Variants in ANKAR observed in about 807,000 individuals in gnomAD.
The protein encoded by ANKAR is ankyrin and armadillo repeat-containing protein.
Under a neutral mutation model 146.2 loss-of-function variants are expected in ANKAR, and 136 were observed. The observed-to-expected ratio is 0.93, with a 90% confidence interval of 0.81 to 1.07. The LOEUF is 1.07. ANKAR is among the 50% of genes least tolerant of loss of function. The pLI is 0.00. For missense variants in ANKAR, 1,567 were observed against 1,679.9 expected (o/e 0.93, Z 1.18); for synonymous variants, 500 against 575.8 (o/e 0.87, Z 1.88).
chr2:189,762,338 G>A (rs1310608304), downstream of ANKAR, among the ~76,000 whole-genome samples: 1 of 152,096 alleles, frequency 6.6e-6, no homozygotes, highest in African/African-American at 2.4e-5. Context: ...CAGATCATCC[G>A]TTCTAAAACT....
chr2:189,701,510 C>A (rs2038049220), intron 7 of ANKAR, among the ~76,000 whole-genome samples: 1 of 152,222 alleles, frequency 6.6e-6, no homozygotes, highest in African/African-American at 2.4e-5. Context: ...GCTGGAATTA[C>A]AGGAGTGAGC....
intron 18 of ANKAR, chr2:189,754,363 T>G: frequency 6.4e-7 from 1 of 1,572,426 alleles, no homozygotes; most frequent in Non-Finnish European, 8.6e-7. Context: ...AGAAACATAT[T>G]TTTTAGAGTC....
intron 17 of ANKAR, among the ~76,000 whole-genome samples, chr2:189,736,906 C>A (rs2042906542): frequency 6.6e-6 from 1 of 151,228 alleles, no homozygotes; most frequent in South Asian, 2.1e-4. Flanking sequence ...AACCCTGTCT[C>A]TACAAAAAAT....
chr2:189,706,391 C>G (rs2038954752), intron 8 of ANKAR, among the ~76,000 whole-genome samples: 1 of 151,412 alleles, frequency 6.6e-6, no homozygotes, highest in South Asian at 2.1e-4. Flanking sequence ...ATCTCAACAA[C>G]AACAACAACA....
chr2:189,701,058 G>GT, intron 7 of ANKAR, among the ~76,000 whole-genome samples: 1 of 152,110 alleles, frequency 6.6e-6, no homozygotes, highest in Non-Finnish European at 1.5e-5. Context: ...CCTCGGTGTA[G>GT]TTTTTTGTTT....
At chr2:189,700,560 CT>C (rs1019950009) in intron 7 of ANKAR, among the ~76,000 whole-genome samples, 4 of 152,166 alleles carry the variant, frequency 2.6e-5, no homozygotes, top group African/African-American at 7.2e-5. Context: ...CAGTTATACT[CT>C]TTTAGTTATG....
intron 21 of ANKAR, 117 bp downstream of exon 21, chr2:189,743,591 G>C: frequency 1.1e-6 from 1 of 936,026 alleles, no homozygotes. Flanking sequence ...CTCCTGTATA[G>C]CAGAGGATAA....
chr2:189,709,146 AAAAG>A (rs954309483), intron 9 of ANKAR, among the ~76,000 whole-genome samples: 1 of 152,082 alleles, frequency 6.6e-6, no homozygotes, highest in African/African-American at 2.4e-5. Flanking sequence ...TGTTTAAAAA[AAAAG>A]AGACACGACC....
intron 2 of ANKAR, among the ~76,000 whole-genome samples, chr2:189,688,437 C>T (rs1451984864): frequency 2.0e-5 from 3 of 152,038 alleles, no homozygotes; most frequent in Non-Finnish European, 4.4e-5. Flanking sequence ...ACTGGCTATT[C>T]TGGATCTTTC....
chr2:189,728,531 G>A, intron 14 of ANKAR, 111 bp downstream of exon 14: 1 of 1,463,510 alleles, frequency 6.8e-7, no homozygotes, highest in Non-Finnish European at 9.2e-7. Context: ...TCAAACCCCT[G>A]GGCTCAAGTG....
chr2:189,745,972 TTATC>T (rs1341215352), intron 22 of ANKAR, among the ~76,000 whole-genome samples: 1 of 152,208 alleles, frequency 6.6e-6, no homozygotes, highest in Non-Finnish European at 1.5e-5. Context: ...AACAACCTGT[TTATC>T]AGTCATGATC....
chr2:189,721,274 C>A (rs903205420), intron 12 of ANKAR, among the ~76,000 whole-genome samples: 1 of 152,086 alleles, frequency 6.6e-6, no homozygotes, highest in African/African-American at 2.4e-5. Flanking sequence ...GTATGAGCCA[C>A]CATGCCTGGC....
intron 10 of ANKAR, among the ~76,000 whole-genome samples, chr2:189,718,611 CTAAA>C (rs2040845196): frequency 6.6e-6 from 1 of 152,126 alleles, no homozygotes; most frequent in Non-Finnish European, 1.5e-5. Context: ...TTTCAGACAG[CTAAA>C]TAAATAAGGT....
At chr2:189,741,485 A>G in intron 20 of ANKAR, 34 bp downstream of exon 20, 2 of 1,492,800 alleles carry the variant, frequency 1.3e-6, no homozygotes, top group Non-Finnish European at 1.8e-6. Flanking sequence ...CTAAAATTAA[A>G]TATGCTAAAA....
At position 189,733,240 on chromosome 2, in the gene ANKAR, T is replaced by C. The variant is rs2042570357; in HGVS notation, c.3423+11T>C. The C allele has an allele frequency of 6.4e-7, 1 of 1,570,482 alleles. No individual in the cohort carries two copies. Among genetic ancestry groups the C allele is most frequent in the Non-Finnish European group, 8.6e-7 (1 of 1,161,692 alleles). On this transcript the variant is annotated intron_variant, in intron 17 of 22. Transcript: ENST00000684021. ...CACTCAACAGAAAAGGTAATACCTT[T>C]ACAAAATATTGAGGTTCATTTTGAA...
chr2:189,742,971 CACACACA>C (rs1559148022), intron 20 of ANKAR, among the ~76,000 whole-genome samples: 7 of 127,034 alleles, frequency 5.5e-5, no homozygotes, highest in Non-Finnish European at 8.6e-5. Context: ...CACACACACA[CACACACA>C]CACCCCTGAA....
At chr2:189,715,483 G>T (rs965508786) in intron 10 of ANKAR, among the ~76,000 whole-genome samples, 2 of 152,190 alleles carry the variant, frequency 1.3e-5, no homozygotes, top group Non-Finnish European at 2.9e-5. Flanking sequence ...GGACCAGACG[G>T]ATTCACAGCC....
Position 189,690,121 on chromosome 2 carries a change from A to G in ANKAR, c.1039+157A>G, listed in dbSNP as rs566745803. Among the ~76,000 whole-genome samples the G allele has an allele frequency of 5.9e-5, 9 of 152,280 alleles. 1 individual carries two copies. The East Asian group carries it at 1.5e-3, about 26-fold the overall frequency. On this transcript the variant is annotated intron_variant, in intron 3 of 22. Transcript: ENST00000684021. ...TAATGTCTCTAATGTAATTAAAAAG[A>G]CTCAGTGTATGTATATAGTACTTTG...
intron 22 of ANKAR, among the ~76,000 whole-genome samples, chr2:189,745,043 T>G (rs1161663368): frequency 6.6e-6 from 1 of 151,214 alleles, no homozygotes; most frequent in Non-Finnish European, 1.5e-5. Flanking sequence ...ATACAAAAAT[T>G]AGCCAGGCAT....
Sources: allele counts gnomAD v4.1 joint callset (sites outside exome capture counted in the v4.1 genomes callset), GRCh38; gene constraint gnomAD v4.1.1; transcripts MANE v1.5; gene names NCBI Gene and HGNC (gene_info 2026-07-23, HGNC 2026-07-21).